RIMS2: variants seen among roughly 807,000 people sequenced by gnomAD.
The protein encoded by RIMS2 is regulating synaptic membrane exocytosis protein 2.
A neutral mutation model predicts 174.4 loss-of-function variants in RIMS2; 59 were observed. The ratio of observed to expected loss-of-function variants is 0.34; its 90% CI spans 0.27 to 0.42. The LOEUF is 0.42. Ranked by LOEUF, RIMS2 falls within the 10% of genes least tolerant of loss-of-function variation. The pLI, the probability that RIMS2 is intolerant of heterozygous loss-of-function variation, is 1.00. For synonymous variants in RIMS2, 606 were observed against 572.5 expected, an observed-to-expected ratio of 1.06 and a Z score of -0.84; for missense variants, 1,620 against 1,666.3, an observed-to-expected ratio of 0.97 and a Z score of 0.48.
chr8:104,032,892 CAA>C (rs1173636169), intron 19 of RIMS2, among the ~76,000 whole-genome samples: 7 of 151,866 alleles, frequency 4.6e-5, no homozygotes, highest in African/African-American at 1.7e-4. Flanking sequence ...TTAGAGTAGA[CAA>C]GACAGATACA....
intron 1 of RIMS2, among the ~76,000 whole-genome samples, chr8:103,623,478 GTT>G (rs71575976): frequency 1.2e-5 from 1 of 83,238 alleles, no homozygotes; most frequent in African/African-American, 4.8e-5. Context: ...GGTTTCTTCA[GTT>G]TTTTTTTTTT....
chr8:103,949,355 C>G (rs2084749284), intron 14 of RIMS2, among the ~76,000 whole-genome samples: 2 of 152,078 alleles, frequency 1.3e-5, no homozygotes, highest in Admixed American at 1.3e-4. Flanking sequence ...CACCTTCTCT[C>G]CAAGTTCATT....
intron 10 of RIMS2, among the ~76,000 whole-genome samples, chr8:103,926,355 G>C (rs1264842064): frequency 1.3e-5 from 2 of 151,488 alleles, no homozygotes; most frequent in Non-Finnish European, 3.0e-5. Flanking sequence ...ACAGACATCA[G>C]TAACACACTC....
In RIMS2 at chr8:103,511,285, G is replaced by A. The variant is rs185976062; in HGVS notation, c.176+10223G>A. Among the ~76,000 whole-genome samples, 184 of 152,178 alleles carry A rather than the reference G, an allele frequency of 1.2e-3. 1 individual carries two copies. Among genetic ancestry groups the A allele is most frequent in the African/African-American group, 3.9e-3 (162 of 41,504 alleles). The stretch of plus-strand genomic sequence containing the variant: ...ATTGTATTTATTTTTATAGGGAGAG[G>A]AGTAAATAATTTTACCATATGACTA... On this transcript the variant is annotated intron_variant, in intron 1 of 23. Coordinates refer to ENST00000504942, the Ensembl canonical transcript of RIMS2.
chr8:103,565,061 AGACTT>A (rs1034028102), intron 1 of RIMS2, among the ~76,000 whole-genome samples: 123 of 152,288 alleles, frequency 8.1e-4, no homozygotes, highest in African/African-American at 2.8e-3. Context: ...TTGTCATCTG[AGACTT>A]GACAGACATA....
intron 16 of RIMS2, among the ~76,000 whole-genome samples, chr8:103,987,470 A>G (rs2094442203): frequency 6.6e-6 from 1 of 152,214 alleles, no homozygotes; most frequent in Admixed American, 6.5e-5. Flanking sequence ...TTCACATAAG[A>G]TACTAAACTA....
At chr8:103,989,323 G>C (rs1225454301) in exon 17 of RIMS2, 1 of 1,610,292 alleles carries the variant, frequency 6.2e-7, no homozygotes, top group Non-Finnish European at 8.5e-7. Context: ...TGGAACAGGG[G>C]CTTCGAGGGA....
intron 3 of RIMS2, among the ~76,000 whole-genome samples, chr8:103,815,988 T>TA (rs1374010225): frequency 6.6e-6 from 1 of 152,144 alleles, no homozygotes; most frequent in East Asian, 1.9e-4. Flanking sequence ...AGTCAGTACT[T>TA]AAAACCAGGC....
At chr8:103,528,518 G>A (rs1338795221) in intron 1 of RIMS2, among the ~76,000 whole-genome samples, 1 of 152,160 alleles carries the variant, frequency 6.6e-6, no homozygotes, top group Admixed American at 6.5e-5. Context: ...AGTTTTTATG[G>A]TTTTAGGTCT....
intron 1 of RIMS2, among the ~76,000 whole-genome samples, chr8:103,529,748 C>T (rs1166731982): frequency 6.6e-6 from 1 of 152,216 alleles, no homozygotes; most frequent in East Asian, 1.9e-4. Flanking sequence ...TGGAGCTGTT[C>T]CTATTCGGCC....
intron 1 of RIMS2, among the ~76,000 whole-genome samples, chr8:103,514,699 G>A (rs889756929): frequency 2.0e-5 from 3 of 151,894 alleles, no homozygotes; most frequent in Non-Finnish European, 4.4e-5. Flanking sequence ...ATTCCTGTTG[G>A]TCACCATTGA....
intron 1 of RIMS2, among the ~76,000 whole-genome samples, chr8:103,596,312 G>C (rs190141336): frequency 6.6e-6 from 1 of 151,878 alleles, no homozygotes; most frequent in Non-Finnish European, 1.5e-5. Context: ...TTAGGTGATC[G>C]CCAATTAATT....
At chr8:104,229,924 C>T (rs1311993057) in intron 19 of RIMS2, among the ~76,000 whole-genome samples, 1 of 152,192 alleles carries the variant, frequency 6.6e-6, no homozygotes, top group African/African-American at 2.4e-5. Context: ...GTAGACATCA[C>T]CAAAGGTGTC....
chr8:103,975,580 G>A, intron 16 of RIMS2, 74 bp downstream of exon 18: 1 of 1,005,188 alleles, frequency 9.9e-7, no homozygotes, highest in South Asian at 1.5e-5. Flanking sequence ...AAAACTAATA[G>A]GATATATGTA....
At chr8:103,533,529 AG>A (rs1838244381) in intron 1 of RIMS2, among the ~76,000 whole-genome samples, 1 of 152,064 alleles carries the variant, frequency 6.6e-6, no homozygotes, top group East Asian at 1.9e-4. Context: ...GAATCTGCTA[AG>A]ATGTGTTAAA....
exon 24 of RIMS2, chr8:104,251,786 A>C (rs768106614): frequency 6.2e-7 from 1 of 1,612,394 alleles, no homozygotes. Context: ...TCATCTCTGG[A>C]AAGTTCAACT....
chr8:104,187,904 A>G (rs1344295763), intron 19 of RIMS2, among the ~76,000 whole-genome samples: 1 of 151,264 alleles, frequency 6.6e-6, no homozygotes, highest in East Asian at 1.9e-4. Context: ...TTTTCAAGAG[A>G]AGAGTTTTTT....
chr8:103,575,782 T>C lies in RIMS2; in HGVS notation c.176+74720T>C, dbSNP rs147577042. ...AGACAGTTCCTGAGACTACAGAGAA[T>C]TGAAAAAACTCTGAACGGATTAAGA... On this transcript the variant is annotated intron_variant, in intron 1 of 23. Coordinates refer to ENST00000504942, the Ensembl canonical transcript of RIMS2. 7.8e-3 allele frequency among the ~76,000 whole-genome samples: 1,177 copies of C among 151,536 alleles called. 7 individuals carry two copies. Among genetic ancestry groups the C allele is most frequent in the Non-Finnish European group, 0.014 (926 of 67,932 alleles).
chr8:103,691,043 A>G (rs2097017262), intron 1 of RIMS2, among the ~76,000 whole-genome samples: 1 of 152,192 alleles, frequency 6.6e-6, no homozygotes, highest in African/African-American at 2.4e-5. Flanking sequence ...ATTTCCTCTA[A>G]GAAGTCTGCT....
Sources: allele counts gnomAD v4.1 joint callset (sites outside exome capture counted in the v4.1 genomes callset), GRCh38; gene constraint gnomAD v4.1.1; transcripts MANE v1.5; gene names NCBI Gene and HGNC (gene_info 2026-07-23, HGNC 2026-07-21).